The following TAF4B variants were observed in gnomAD, a reference collection of about 807,000 sequenced individuals.
TAF4B encodes the protein TATA-box binding protein associated factor 4b, also known as transcription initiation factor TFIID subunit 4B.
Under a neutral mutation model 86.4 loss-of-function variants are expected in TAF4B, and 38 were observed. The ratio of observed to expected loss-of-function variants is 0.44; its 90% CI spans 0.34 to 0.58. The LOEUF (loss-of-function observed/expected upper bound fraction) is 0.58, where lower values mean the gene tolerates loss of function less well. Among genes scored for constraint, TAF4B ranks in the 20% least tolerant of loss-of-function variants. TAF4B has a pLI of 0.02. For missense variants in TAF4B, 988 were observed against 1,027.6 expected, an observed-to-expected ratio of 0.96 and a Z score of 0.53; for synonymous variants, 388 against 391.2, an observed-to-expected ratio of 0.99 and a Z score of 0.10.
chr18:26,245,061 TG>T (rs111473795), intron 1 of TAF4B, among the ~76,000 whole-genome samples: 12,616 of 152,196 alleles, frequency 0.083, 599 homozygotes, highest in Middle Eastern at 0.13. Context: ...CCAAAGAGTC[TG>T]GGGTTGTTAG....
At chr18:26,244,701 A>G (rs1453804967) in intron 1 of TAF4B, among the ~76,000 whole-genome samples, 2 of 152,118 alleles carry the variant, frequency 1.3e-5, no homozygotes, top group Admixed American at 6.6e-5. Flanking sequence ...GCCATCTTGG[A>G]ACCTCCCCCC....
chr18:26,246,609 C>T (rs971025473), intron 1 of TAF4B, among the ~76,000 whole-genome samples: 8 of 151,988 alleles, frequency 5.3e-5, no homozygotes, highest in African/African-American at 1.7e-4. Context: ...TCTCAGCTCA[C>T]TGCAACCTCC....
chr18:26,314,653 G>C (rs1013684159), intron 9 of TAF4B, among the ~76,000 whole-genome samples: 1 of 152,176 alleles, frequency 6.6e-6, no homozygotes, highest in African/African-American at 2.4e-5. Flanking sequence ...GGCTAGTCTA[G>C]TAAGCTTCTT....
Position 26,227,066 on chromosome 18 carries a change from G to A in TAF4B, c.133G>A (p.Val45Met). 1 of 1,597,818 alleles carries A rather than the reference G, an allele frequency of 6.3e-7. No individual in the cohort carries two copies. The highest frequency in any genetic ancestry group is 1.1e-5 in the South Asian group (1 of 90,106). Residue 45 changes from valine to methionine, a missense_variant, in exon 1 of 15, where the codon GTG becomes ATG. Physicochemically the swap from Val to Met is conservative, Grantham distance 21. Around this residue, in one of 3 missense-constraint regions of TAF4B, gnomAD observed 747 missense variants for 737.9 expected, o/e 1.01. Coordinates refer to ENST00000269142, the MANE Select transcript of TAF4B (RefSeq NM_005640.3). ...VESTPVALGA[V>M]TKAPVSVCVE... Reference sequence around the variant, plus strand: ...GAGCACTCCGGTGGCCCTGGGCGCCGTGACTAAGGCTCCTGTCAGCGTCTG... The same window carrying A: ...GAGCACTCCGGTGGCCCTGGGCGCCATGACTAAGGCTCCTGTCAGCGTCTG...
chr18:26,356,485 C>T (rs143853871), intron 13 of TAF4B, among the ~76,000 whole-genome samples: 8 of 152,276 alleles, frequency 5.3e-5, no homozygotes, highest in African/African-American at 1.9e-4. Context: ...GACCGTTTCA[C>T]CACAGACTAC....
At chr18:26,271,997 A>T (rs2056325324) in intron 3 of TAF4B, among the ~76,000 whole-genome samples, 1 of 151,494 alleles carries the variant, frequency 6.6e-6, no homozygotes, top group East Asian at 1.9e-4. Flanking sequence ...AGAAAAAAAA[A>T]ACTCAGCAAA....
rs756967248 is a variant in TAF4B, at chr18:26,267,638, C to T, written c.597+15C>T. The T allele has an allele frequency of 1.0e-5, 16 of 1,538,064 alleles. No individual in the cohort carries two copies. The Middle Eastern group carries it at 6.7e-4, about 65-fold the overall frequency. ...CCTCAGTACAAGTAAGTTGTGCTGG[C>T]CATTCGTGCACTTGTTGTTCTCTTA... is the stretch of plus-strand genomic sequence containing the variant. On this transcript the variant is annotated intron_variant, in intron 3 of 14. Coordinates refer to ENST00000269142, the MANE Select transcript of TAF4B (RefSeq NM_005640.3).
At chr18:26,294,557 T>C (rs763333898) in intron 9 of TAF4B, among the ~76,000 whole-genome samples, 1 of 148,920 alleles carries the variant, frequency 6.7e-6, no homozygotes, top group Non-Finnish European at 1.5e-5. Context: ...TATACAAATA[T>C]ATAAAATAAA....
chr18:26,246,230 A>T (rs952474296), intron 1 of TAF4B, among the ~76,000 whole-genome samples: 3 of 152,194 alleles, frequency 2.0e-5, no homozygotes, highest in Non-Finnish European at 4.4e-5. Flanking sequence ...TGTAGGCTGG[A>T]TGATAATACC....
chr18:26,255,891 G>C (rs1264984710), intron 1 of TAF4B: 1 of 1,243,718 alleles, frequency 8.0e-7, no homozygotes, highest in African/African-American at 1.5e-5. Flanking sequence ...GGAAACAACT[G>C]GTGTTCTGTT....
chr18:26,261,858 G>T (rs1378175316), intron 1 of TAF4B, among the ~76,000 whole-genome samples: 1 of 152,164 alleles, frequency 6.6e-6, no homozygotes, highest in Non-Finnish European at 1.5e-5. Context: ...GGTGCCTTTA[G>T]CCTTGAACTT....
chr18:26,246,803 C>G (rs994255447), intron 1 of TAF4B, among the ~76,000 whole-genome samples: 16 of 151,792 alleles, frequency 1.1e-4, no homozygotes, highest in African/African-American at 3.6e-4. Flanking sequence ...AAAGTGTTGG[C>G]ATTACAGGCG....
intron 3 of TAF4B, among the ~76,000 whole-genome samples, chr18:26,268,375 A>C (rs1470403155): frequency 1.3e-5 from 2 of 152,110 alleles, no homozygotes; most frequent in African/African-American, 4.8e-5. Context: ...TACAGTCCCC[A>C]CTGCTGCAGC....
intron 1 of TAF4B, among the ~76,000 whole-genome samples, chr18:26,260,832 CTTCT>C (rs1568111180): frequency 2.0e-5 from 3 of 152,142 alleles, no homozygotes; most frequent in African/African-American, 4.8e-5. Flanking sequence ...TCACACCTTT[CTTCT>C]TTAAGTATGG....
intron 1 of TAF4B, among the ~76,000 whole-genome samples, chr18:26,246,229 G>A (rs1432942361): frequency 6.6e-6 from 1 of 152,196 alleles, no homozygotes; most frequent in Non-Finnish European, 1.5e-5. Flanking sequence ...ATGTAGGCTG[G>A]ATGATAATAC....
At chr18:26,329,722 A>G (rs1473651812) in intron 12 of TAF4B, among the ~76,000 whole-genome samples, 1 of 152,054 alleles carries the variant, frequency 6.6e-6, no homozygotes, top group African/African-American at 2.4e-5. Context: ...ATGATGCTGC[A>G]CTCTTCTCAG....
At chr18:26,292,766 A>G (rs2056609205) in intron 8 of TAF4B, among the ~76,000 whole-genome samples, 1 of 152,164 alleles carries the variant, frequency 6.6e-6, no homozygotes, top group African/African-American at 2.4e-5. Flanking sequence ...CAAGTGGTCA[A>G]TCCACCCACC....
At chr18:26,261,834 A>C (rs551807924) in intron 1 of TAF4B, among the ~76,000 whole-genome samples, 63 of 152,284 alleles carry the variant, frequency 4.1e-4, no homozygotes, top group African/African-American at 1.5e-3. Flanking sequence ...CTTAATTGCT[A>C]CTTTGTATTT....
chr18:26,243,585 A>G (rs1715100138), intron 1 of TAF4B, among the ~76,000 whole-genome samples: 3 of 152,094 alleles, frequency 2.0e-5, no homozygotes, highest in Non-Finnish European at 2.9e-5. Flanking sequence ...TCTTCTCTCA[A>G]CTCATCAAAG....
Sources: gnomAD v4.1 joint callset for allele counts (sites outside exome capture counted in the v4.1 genomes callset) on GRCh38, gnomAD v4.1.1 for gene constraint, gnomAD v4.1.1 regional missense constraint, MANE v1.5 for transcripts, NCBI Gene and HGNC (gene_info 2026-07-23, HGNC 2026-07-21) for gene names.